The following RAPGEF2 variants were observed in gnomAD, a reference collection of about 807,000 sequenced individuals.
The protein encoded by RAPGEF2 is PDZ domain containing guanine nucleotide exchange factor (GEF) 1.
RAPGEF2 carries 54 observed loss-of-function variants against 186.7 expected under a neutral mutation model. The observed-to-expected ratio is 0.29, with a 90% CI of 0.23 to 0.36. The LOEUF (loss-of-function observed/expected upper bound fraction) is 0.36, where lower values mean the gene tolerates loss of function less well. Ranked by LOEUF, RAPGEF2 falls within the 10% of genes least tolerant of loss-of-function variation. RAPGEF2 has a pLI of 1.00. For missense variants in RAPGEF2, 1,532 were observed against 2,045.0 expected (o/e 0.75, Z 4.84); for synonymous variants, 712 against 705.9 (o/e 1.01, Z -0.14).
chr4:159,323,882 C>G (rs62339284), intron 11 of RAPGEF2, among the ~76,000 whole-genome samples: 3 of 150,878 alleles, frequency 2.0e-5, no homozygotes, highest in Non-Finnish European at 4.4e-5. Context: ...CCACACCCAC[C>G]TAATTTTTGG....
intron 26 of RAPGEF2, chr4:159,351,275 C>A: frequency 7.6e-7 from 1 of 1,320,194 alleles, no homozygotes; most frequent in Non-Finnish European, 1.0e-6. Context: ...GTCAAGTGCT[C>A]CATCTGAGTG....
intron 4 of RAPGEF2, among the ~76,000 whole-genome samples, chr4:159,225,004 T>C (rs1751881325): frequency 6.6e-6 from 1 of 152,150 alleles, no homozygotes; most frequent in Non-Finnish European, 1.5e-5. Flanking sequence ...ATGAGGTAGG[T>C]GGGTATCAGA....
chr4:159,350,384 T>A, intron 26 of RAPGEF2, 95 bp downstream of exon 26: 1 of 1,076,282 alleles, frequency 9.3e-7, no homozygotes, highest in Non-Finnish European at 1.2e-6. Flanking sequence ...TTCCTAACAT[T>A]ATAGTCATTT....
chr4:159,218,198 C>T (rs574457740), intron 4 of RAPGEF2, among the ~76,000 whole-genome samples: 3 of 152,018 alleles, frequency 2.0e-5, no homozygotes, highest in Non-Finnish European at 4.4e-5. Context: ...TGTGTATTCA[C>T]GTAAGATTTA....
At chr4:159,343,952 G>T in intron 22 of RAPGEF2, 84 bp from the exon 23 acceptor site, 1 of 1,401,146 alleles carries the variant, frequency 7.1e-7, no homozygotes, top group South Asian at 1.2e-5. Flanking sequence ...TTATCCAGAA[G>T]TCTAGTCCTT....
chr4:159,343,482 A>G, intron 22 of RAPGEF2, 78 bp downstream of exon 22: 1 of 1,556,320 alleles, frequency 6.4e-7, no homozygotes, highest in Non-Finnish European at 8.7e-7. Context: ...TGATTTTTTT[A>G]AAGTTTGAGT....
rs548506353 is a variant in RAPGEF2, at chr4:159,339,262, T to C, written c.2442T>C (p.Cys814=). The change falls in exon 19 of 30, where the codon TGT becomes TGC. Residue 814 remains cysteine (C), a synonymous_variant. Transcript: ENST00000691494. ...CCACCCCGGATCAATATTCACTATG[T>C]GAGGTCTCTGTCACACCTGAGGGAG... ...VTATPDQYSL[C]EVSVTPEGVI... The C allele has an allele frequency of 2.5e-6, 4 of 1,614,142 alleles. No individual in the cohort carries two copies. In the African/African-American group the frequency reaches 4.0e-5, roughly 16 times the overall value.
chr4:159,155,694 A>G (rs1213769793), intron 1 of RAPGEF2, among the ~76,000 whole-genome samples: 1 of 152,206 alleles, frequency 6.6e-6, no homozygotes, highest in Non-Finnish European at 1.5e-5. Context: ...TCAAGGAATA[A>G]AACAGCACTT....
At chr4:159,307,554 T>G (rs1763453670) in intron 8 of RAPGEF2, among the ~76,000 whole-genome samples, 2 of 152,222 alleles carry the variant, frequency 1.3e-5, no homozygotes, top group Non-Finnish European at 2.9e-5. Context: ...ACTTTGAGAT[T>G]ATTATTATAC....
chr4:159,133,089 A>C (rs770550401), intron 1 of RAPGEF2, among the ~76,000 whole-genome samples: 1 of 152,146 alleles, frequency 6.6e-6, no homozygotes, highest in Non-Finnish European at 1.5e-5. Flanking sequence ...TTATATCTAC[A>C]TACATATCTG....
At chr4:159,209,066 A>G (rs1325857637) in intron 3 of RAPGEF2, among the ~76,000 whole-genome samples, 4 of 151,138 alleles carry the variant, frequency 2.6e-5, no homozygotes, top group African/African-American at 9.8e-5. Context: ...ATTTTTTTGT[A>G]TTTTTAGTAG....
intron 1 of RAPGEF2, among the ~76,000 whole-genome samples, chr4:159,150,426 G>A (rs1012878845): frequency 1.3e-5 from 2 of 152,152 alleles, no homozygotes; most frequent in South Asian, 2.1e-4. Context: ...GAAGTGTATC[G>A]AACACACATA....
intron 3 of RAPGEF2, among the ~76,000 whole-genome samples, chr4:159,202,882 G>C (rs56232666): frequency 6.6e-6 from 1 of 152,200 alleles, no homozygotes; most frequent in Non-Finnish European, 1.5e-5. Context: ...GATTACAGGC[G>C]TGAGCCACTG....
intron 1 of RAPGEF2, among the ~76,000 whole-genome samples, chr4:159,140,895 G>C (rs768240880): frequency 4.0e-5 from 6 of 151,120 alleles, no homozygotes; most frequent in Non-Finnish European, 8.8e-5. Context: ...GTAGTGGCGC[G>C]ATCTCAGCTC....
At chr4:159,354,731 C>T (rs1263449051) in intron 28 of RAPGEF2, among the ~76,000 whole-genome samples, 2 of 152,148 alleles carry the variant, frequency 1.3e-5, no homozygotes, top group African/African-American at 4.8e-5. Flanking sequence ...TGTGAGGATT[C>T]AAGGAAATTT....
chr4:159,177,006 T>A (rs941669459), intron 1 of RAPGEF2, among the ~76,000 whole-genome samples: 3 of 152,224 alleles, frequency 2.0e-5, no homozygotes, highest in Non-Finnish European at 2.9e-5. Context: ...ATTAAGTGGC[T>A]GTTTTCAAAT....
chr4:159,354,022 T>A lies in RAPGEF2; in HGVS notation c.4627T>A (p.Ser1543Thr), dbSNP rs749688879. The change falls in exon 28 of 30, where the codon TCA becomes ACA. Residue 1543 changes from serine (S) to threonine (T), a missense_variant. Transcript: ENST00000691494. ...VPMPAHIAVASSTTKGLIARK... is the reference protein window; with the variant it reads ...VPMPAHIAVATSTTKGLIARK... ...CATGCCTGCCCACATAGCTGTGGCA[T>A]CAAGTACTACAAAGGGGCTCATTGG... The A allele has an allele frequency of 1.2e-6, 2 of 1,600,604 alleles. No individual in the cohort carries two copies. Among genetic ancestry groups the A allele is most frequent in the Non-Finnish European group, 1.7e-6 (2 of 1,174,994 alleles).
intron 7 of RAPGEF2, among the ~76,000 whole-genome samples, chr4:159,286,030 A>AACCACCACCACCACC (rs35426817): frequency 7.8e-4 from 70 of 89,300 alleles, no homozygotes; most frequent in South Asian, 3.2e-3. Flanking sequence ...TGTTCCCCCC[A>AACCACCACCACCACC]ACCACCACCA....
intron 1 of RAPGEF2, among the ~76,000 whole-genome samples, chr4:159,119,659 A>G (rs1179549695): frequency 2.0e-5 from 3 of 152,206 alleles, no homozygotes; most frequent in African/African-American, 7.2e-5. Context: ...TTCGCTTATT[A>G]GGTGTATGAT....
Sources: allele counts gnomAD v4.1 joint callset (sites outside exome capture counted in the v4.1 genomes callset), GRCh38; gene constraint gnomAD v4.1.1; transcripts MANE v1.5; gene names NCBI Gene and HGNC (gene_info 2026-07-23, HGNC 2026-07-21).